SOX5: variants seen among roughly 807,000 people sequenced by gnomAD.
The protein encoded by SOX5 is SRY-box transcription factor 5, also known as transcription factor SOX-5.
SOX5 carries 9 observed loss-of-function variants against 92.0 expected under a neutral mutation model. The ratio of observed to expected loss-of-function variants is 0.10; its 90% CI spans 0.06 to 0.17. The LOEUF (loss-of-function observed/expected upper bound fraction) is 0.17. SOX5 is among the 10% of genes least tolerant of loss of function. SOX5 has a pLI of 1.00. For synonymous variants in SOX5, 344 were observed against 336.3 expected, an observed-to-expected ratio of 1.02 and a Z score of -0.25; for missense variants, 642 against 944.5, an observed-to-expected ratio of 0.68 and a Z score of 4.20.
intron 10 of SOX5, among the ~76,000 whole-genome samples, chr12:23,567,876 A>AG (rs1172828439): frequency 6.6e-6 from 1 of 152,242 alleles, no homozygotes; most frequent in East Asian, 1.9e-4. Flanking sequence ...GCAGAAAAGA[A>AG]GGGACAAACT....
intron 1 of SOX5, among the ~76,000 whole-genome samples, chr12:23,915,459 G>T (rs1347473381): frequency 3.9e-5 from 6 of 151,928 alleles, no homozygotes; most frequent in African/African-American, 1.4e-4. Flanking sequence ...AGAATTCGTG[G>T]TGTGAAGCTA....
chr12:24,384,837 T>A (rs1311726924), intron 1 of SOX5, among the ~76,000 whole-genome samples: 1 of 152,114 alleles, frequency 6.6e-6, no homozygotes, highest in African/African-American at 2.4e-5. Flanking sequence ...ACGAGTAATA[T>A]CAAACCATTT....
chr12:23,537,118 C>T (rs1361259474), intron 13 of SOX5, among the ~76,000 whole-genome samples: 1 of 151,896 alleles, frequency 6.6e-6, no homozygotes, highest in Non-Finnish European at 1.5e-5. Flanking sequence ...GTAGTCTCAT[C>T]CTCCCCAAAA....
At chr12:23,607,297 C>G (rs2075364992) in intron 8 of SOX5, among the ~76,000 whole-genome samples, 1 of 152,030 alleles carries the variant, frequency 6.6e-6, no homozygotes, top group Admixed American at 6.6e-5. Context: ...AAAAATGAAC[C>G]CCGTCTTAGA....
intron 4 of SOX5, among the ~76,000 whole-genome samples, chr12:23,976,292 T>C (rs574996508): frequency 4.0e-5 from 6 of 151,056 alleles, no homozygotes; most frequent in Middle Eastern, 3.4e-3. Context: ...GGAGAAATTC[T>C]TGGAGAAATG....
intron 3 of SOX5, among the ~76,000 whole-genome samples, chr12:24,243,058 A>T (rs1044129611): frequency 2.6e-4 from 39 of 152,176 alleles, no homozygotes; most frequent in Non-Finnish European, 2.1e-4. Flanking sequence ...TAAAGTGTTT[A>T]TCTCTGGGAA....
intron 1 of SOX5, among the ~76,000 whole-genome samples, chr12:24,433,125 A>C (rs191210080): frequency 6.6e-6 from 1 of 152,352 alleles, no homozygotes; most frequent in East Asian, 1.9e-4. Context: ...TGAAGATAGA[A>C]TTTTAGCTAG....
At chr12:23,844,645 C>T (rs963769755) in intron 3 of SOX5, among the ~76,000 whole-genome samples, 11 of 152,246 alleles carry the variant, frequency 7.2e-5, no homozygotes, top group Admixed American at 2.0e-4. Flanking sequence ...GCATATTTCA[C>T]AAGTATTCTA....
chr12:23,815,933 C>T (rs1005811680), intron 3 of SOX5, among the ~76,000 whole-genome samples: 1 of 152,058 alleles, frequency 6.6e-6, no homozygotes, highest in South Asian at 2.1e-4. Flanking sequence ...ACCATTGTAG[C>T]GTTACATTAC....
At chr12:24,248,135 T>G (rs190794524) in intron 3 of SOX5, among the ~76,000 whole-genome samples, 4 of 152,326 alleles carry the variant, frequency 2.6e-5, no homozygotes, top group Admixed American at 2.0e-4. Flanking sequence ...ATTGAGTCTC[T>G]CTATTAAGGG....
chr12:24,324,903 T>C (rs1950536658), intron 2 of SOX5, among the ~76,000 whole-genome samples: 1 of 152,112 alleles, frequency 6.6e-6, no homozygotes. Flanking sequence ...ACTTACTGAA[T>C]CTTTTTAAGT....
chr12:24,214,215 A>C (rs2139710665), intron 3 of SOX5, among the ~76,000 whole-genome samples: 1 of 152,244 alleles, frequency 6.6e-6, no homozygotes, highest in East Asian at 1.9e-4. Context: ...AGGCAAAAAT[A>C]CCAACAATAG....
intron 3 of SOX5, among the ~76,000 whole-genome samples, chr12:24,218,406 T>C (rs973397437): frequency 6.6e-6 from 1 of 152,076 alleles, no homozygotes; most frequent in Non-Finnish European, 1.5e-5. Flanking sequence ...ATTCTAAGTA[T>C]AAGAAATGTC....
At chr12:23,832,629 A>G (rs1369536443) in intron 3 of SOX5, among the ~76,000 whole-genome samples, 2 of 152,046 alleles carry the variant, frequency 1.3e-5, no homozygotes, top group Non-Finnish European at 2.9e-5. Context: ...TTTGATATAC[A>G]TCACTTCATT....
intron 4 of SOX5, among the ~76,000 whole-genome samples, chr12:24,154,903 T>A (rs4246222): frequency 0.89 from 135,766 of 152,168 alleles, 60,728 homozygotes; most frequent in East Asian, 0.99. Flanking sequence ...TAAAAAATTA[T>A]AAAACTTGTC....
At chr12:23,848,296 G>T (rs111819505) in intron 2 of SOX5, among the ~76,000 whole-genome samples, 1,651 of 152,160 alleles carry the variant, frequency 0.011, 29 homozygotes, top group African/African-American at 0.037. Context: ...TCCAGATAAG[G>T]TATCCCATTT....
chr12:24,002,274 G>A (rs1367033917), intron 4 of SOX5, among the ~76,000 whole-genome samples: 1 of 151,774 alleles, frequency 6.6e-6, no homozygotes, highest in Non-Finnish European at 1.5e-5. Flanking sequence ...AACGTCAGTT[G>A]GTTCTTTAAA....
intron 6 of SOX5, among the ~76,000 whole-genome samples, chr12:23,690,546 CTCTTTA>C (rs1285457278): frequency 2.0e-5 from 3 of 150,532 alleles, no homozygotes; most frequent in Non-Finnish European, 4.4e-5. Context: ...AATGAGTATC[CTCTTTA>C]TCTTTTCCTC....
chr12:23,659,736 G>C (rs987405469), intron 7 of SOX5, among the ~76,000 whole-genome samples: 1 of 152,092 alleles, frequency 6.6e-6, no homozygotes, highest in Non-Finnish European at 1.5e-5. Context: ...ACTTTGGGAG[G>C]TGGGTGGATC....
Sources: gnomAD v4.1 joint callset for allele counts (sites outside exome capture counted in the v4.1 genomes callset) on GRCh38, gnomAD v4.1.1 for gene constraint, MANE v1.5 for transcripts, NCBI Gene and HGNC (gene_info 2026-07-23, HGNC 2026-07-21) for gene names.